The following C19orf38 variants were observed in gnomAD, a reference collection of about 807,000 sequenced individuals.
C19orf38 encodes chromosome 19 open reading frame 38, also known as protein HIDE1.
Under a neutral mutation model 26.6 loss-of-function variants are expected in C19orf38, and 14 were observed. The ratio of observed to expected loss-of-function variants is 0.53; its 90% CI spans 0.35 to 0.82. The LOEUF is 0.82. C19orf38 is among the 40% of genes least tolerant of loss of function. The probability of loss-of-function intolerance (pLI) is 0.01; values close to 1 mark genes in which losing one functional copy is unlikely to be tolerated. For synonymous variants in C19orf38, 132 were observed against 128.5 expected (o/e 1.03, Z -0.18); for missense variants, 261 against 299.5 (o/e 0.87, Z 0.95).
chr19:10,863,187 T>C lies in C19orf38; in HGVS notation c.523T>C (p.Ser175Pro). The C allele has an allele frequency of 6.4e-7, 1 of 1,551,492 alleles. No individual in the cohort carries two copies. Among genetic ancestry groups the C allele is most frequent in the Non-Finnish European group, 8.7e-7 (1 of 1,146,880 alleles). ...FDSTDMSFDN[S>P]LFTVSAKTMP... is the part of the protein sequence containing the mutation. ...TGTTTCAGACATGTCCTTCGATAAC[T>C]CCCTGTTTACCGTCTCCGCGGTGAG... is the stretch of plus-strand genomic sequence containing the variant. Residue 175 changes from serine to proline, a missense_variant, in exon 6 of 7, where the codon TCC becomes CCC. Coordinates refer to ENST00000397820, the MANE Select transcript of C19orf38 (RefSeq NM_001136482.3).
intron 2 of C19orf38, among the ~76,000 whole-genome samples, chr19:10,854,010 A>G (rs1166095187): frequency 6.7e-6 from 1 of 149,044 alleles, no homozygotes; most frequent in Non-Finnish European, 1.5e-5. Flanking sequence ...CCATGATCGC[A>G]CCACTGCATT....
chr19:10,861,523 G>T (rs2073698702), intron 5 of C19orf38, among the ~76,000 whole-genome samples: 1 of 152,156 alleles, frequency 6.6e-6, no homozygotes, highest in Admixed American at 6.5e-5. Context: ...GAAACAGCCC[G>T]TGATGGCACC....
intron 4 of C19orf38, among the ~76,000 whole-genome samples, chr19:10,858,832 G>A (rs972827339): frequency 1.8e-4 from 28 of 152,030 alleles, no homozygotes; most frequent in Admixed American, 6.6e-4. Flanking sequence ...TCTCTCCTCC[G>A]AGAGTGGGGA....
intron 1 of C19orf38, among the ~76,000 whole-genome samples, chr19:10,848,984 A>T (rs78962965): frequency 0.045 from 6,808 of 152,000 alleles, 191 homozygotes; most frequent in Non-Finnish European, 0.067. Context: ...CAGGAGAGAG[A>T]TGGATCCCCA....
Position 10,856,307 on chromosome 19 carries a change from C to G in C19orf38, c.383C>G (p.Ala128Gly), listed in dbSNP as rs1458939082. The G allele has an allele frequency of 1.3e-6, 2 of 1,551,324 alleles. No homozygotes were observed. The highest frequency in any genetic ancestry group is 2.0e-5 in the Admixed American group (1 of 50,970). Residue 128 changes from alanine (A) to glycine (G), a missense_variant, in exon 3 of 7, where the codon GCC (alanine) becomes GGC (glycine). Physicochemically the swap from Ala to Gly is moderately conservative, Grantham distance 60. Transcript: ENST00000397820. Reference sequence around the variant, plus strand: ...GTGCTCTCCCTGAGCCTGGCTGGTGCCCTCTTCCTCCTTGCTGGGCTGGTG... The same window carrying G: ...GTGCTCTCCCTGAGCCTGGCTGGTGGCCTCTTCCTCCTTGCTGGGCTGGTG... Reference protein sequence around the residue: ...ILVLSLSLAGALFLLAGLVAV... With the variant: ...ILVLSLSLAGGLFLLAGLVAV...
At chr19:10,839,065 C>T (rs1461050260) in intron 1 of C19orf38, among the ~76,000 whole-genome samples, 1 of 152,058 alleles carries the variant, frequency 6.6e-6, no homozygotes, top group Non-Finnish European at 1.5e-5. Flanking sequence ...GCCACCACGC[C>T]CAACTAATTT....
intron 1 of C19orf38, among the ~76,000 whole-genome samples, chr19:10,848,857 G>A (rs1246664314): frequency 6.6e-6 from 1 of 151,964 alleles, no homozygotes; most frequent in African/African-American, 2.4e-5. Flanking sequence ...GCAGCAGGAG[G>A]GTCTACCTAG....
At chr19:10,842,022 A>G in intron 1 of C19orf38, 1 of 1,610,878 alleles carries the variant, frequency 6.2e-7, no homozygotes, top group Non-Finnish European at 8.5e-7. Flanking sequence ...AGCCATGAAT[A>G]TTGTCCGAAC....
chr19:10,850,528 C>T lies in C19orf38; in HGVS notation c.301C>T (p.Leu101=), dbSNP rs1254114004. ...GTTAGGTGAGCTCAACCAGTCCCAG[C>T]TGTCAGACCTCAGCGAGCCCGTGAA... ...GVLGELNQSQ[L]SDLSEPVNVS... Residue 101 remains leucine (L), a synonymous_variant, in exon 2 of 7, where the codon CTG becomes TTG. Coordinates refer to ENST00000397820, the MANE Select transcript of C19orf38 (RefSeq NM_001136482.3). The T allele has an allele frequency of 6.4e-6, 10 of 1,551,534 alleles. No individual in the cohort carries two copies. Among genetic ancestry groups the T allele is most frequent in the Middle Eastern group, 1.7e-4 (1 of 6,014 alleles).
At chr19:10,840,279 G>T (rs990404083) in intron 1 of C19orf38, among the ~76,000 whole-genome samples, 1 of 152,092 alleles carries the variant, frequency 6.6e-6, no homozygotes, top group East Asian at 1.9e-4. Flanking sequence ...GAGGGTTCCA[G>T]TTTCTCTACA....
intron 4 of C19orf38, 93 bp from the exon 5 acceptor site, chr19:10,859,821 TG>T: frequency 8.8e-7 from 1 of 1,140,852 alleles, no homozygotes; most frequent in Non-Finnish European, 1.3e-6. Flanking sequence ...GGCTACATTT[TG>T]GGTGTGGTTT....
At chr19:10,865,545 T>C (rs982842444) in intron 6 of C19orf38, among the ~76,000 whole-genome samples, 2 of 152,012 alleles carry the variant, frequency 1.3e-5, no homozygotes, top group Non-Finnish European at 2.9e-5. Context: ...GGTGGGAAGA[T>C]TGCTTGAGCC....
chr19:10,856,919 C>T (rs1325714289), intron 3 of C19orf38, among the ~76,000 whole-genome samples: 1 of 152,060 alleles, frequency 6.6e-6, no homozygotes, highest in Non-Finnish European at 1.5e-5. Context: ...GCCTCAGCCT[C>T]CCAAGTAGCT....
At chr19:10,867,347 A>G (rs1432539993) in intron 6 of C19orf38, among the ~76,000 whole-genome samples, 1 of 151,126 alleles carries the variant, frequency 6.6e-6, no homozygotes, top group African/African-American at 2.4e-5. Context: ...GCACATGCCT[A>G]TAATGCCAGC....
Position 10,857,366 on chromosome 19 carries a change from A to ATATATTT in C19orf38, c.434-949_434-948insATATTTT, listed in dbSNP as rs1433358051. 1.3e-3 allele frequency among the ~76,000 whole-genome samples: 74 copies of ATATATTT among 56,076 alleles called. 1 individual carries two copies. Among genetic ancestry groups the ATATATTT allele is most frequent in the African/African-American group, 7.0e-3 (41 of 5,820 alleles). The allele number at this position is 56,076 out of a possible 152,430, so 36.8% of individuals were successfully genotyped here. On this transcript the variant is annotated intron_variant, in intron 3 of 6. Transcript: ENST00000397820. Reference sequence around the variant, plus strand: ...TATATATATATATATATATATATATATTTTTTTTTTTTTTTTTTTAAGATG... The same window carrying ATATATTT: ...TATATATATATATATATATATATATATATATTTTTTTTTTTTTTTTTTTTTTAAGATG...
At chr19:10,853,237 A>G (rs923463099) in intron 2 of C19orf38, among the ~76,000 whole-genome samples, 4 of 150,892 alleles carry the variant, frequency 2.7e-5, no homozygotes, top group Non-Finnish European at 5.9e-5. Flanking sequence ...TAATATGTCT[A>G]TTTTTTGTAA....
At chr19:10,863,942 G>A (rs559680199) in intron 6 of C19orf38, among the ~76,000 whole-genome samples, 1 of 152,032 alleles carries the variant, frequency 6.6e-6, no homozygotes, top group Non-Finnish European at 1.5e-5. Context: ...AAATGAAAAA[G>A]TACAAATGCC....
upstream of C19orf38, chr19:10,848,307 T>C (rs972174966): frequency 3.4e-6 from 2 of 584,378 alleles, no homozygotes; most frequent in Admixed American, 2.7e-5. Context: ...GTCTGATGTG[T>C]GTTTGGGGAA....
chr19:10,844,413 A>G (rs11671996), upstream of C19orf38, among the ~76,000 whole-genome samples: 5 of 148,670 alleles, frequency 3.4e-5, no homozygotes, highest in African/African-American at 7.5e-5. Context: ...AAAAAAAAAA[A>G]AAAAAAAATT....
Sources: gnomAD v4.1 joint callset for allele counts (sites outside exome capture counted in the v4.1 genomes callset) on GRCh38, gnomAD v4.1.1 for gene constraint, MANE v1.5 for transcripts, NCBI Gene and HGNC (gene_info 2026-07-23, HGNC 2026-07-21) for gene names.